The following RABGAP1L variants were observed in gnomAD, a reference collection of about 807,000 sequenced individuals.
RABGAP1L encodes the protein rab GTPase-activating protein 1-like.
RABGAP1L carries 63 observed loss-of-function variants against 137.7 expected under a neutral mutation model. That is an observed-to-expected ratio of 0.46 (90% confidence interval 0.37 to 0.56). RABGAP1L has a LOEUF of 0.56. RABGAP1L is among the 20% of genes least tolerant of loss of function. The pLI, the probability that RABGAP1L is intolerant of heterozygous loss-of-function variation, is 0.00. For missense variants in RABGAP1L, 1,095 were observed against 1,244.0 expected (o/e 0.88, Z 1.80); for synonymous variants, 431 against 433.7 (o/e 0.99, Z 0.08).
At chr1:174,349,999 C>T (rs1168709432) in intron 11 of RABGAP1L, among the ~76,000 whole-genome samples, 12 of 118,118 alleles carry the variant, frequency 1.0e-4, no homozygotes, top group East Asian at 6.4e-4. Context: ...GGTGGCTGGC[C>T]GGGCTGAGGG....
intron 13 of RABGAP1L, among the ~76,000 whole-genome samples, chr1:174,597,552 T>C (rs913317402): frequency 6.6e-6 from 1 of 152,196 alleles, no homozygotes; most frequent in East Asian, 1.9e-4. Context: ...TGGAATCAGT[T>C]GTAATTTTTT....
At chr1:174,429,213 T>C (rs984750469) in intron 13 of RABGAP1L, among the ~76,000 whole-genome samples, 3 of 152,222 alleles carry the variant, frequency 2.0e-5, no homozygotes, top group African/African-American at 7.2e-5. Flanking sequence ...TATATTAGGC[T>C]AGCTTTAAAA....
intron 3 of RABGAP1L, among the ~76,000 whole-genome samples, chr1:174,228,971 C>T (rs1205631229): frequency 6.6e-6 from 1 of 151,686 alleles, no homozygotes; most frequent in Non-Finnish European, 1.5e-5. Context: ...TGCTCTCTAA[C>T]CACAATTGGA....
At chr1:174,502,625 C>CATATATGTGT (rs1558288809) in intron 13 of RABGAP1L, among the ~76,000 whole-genome samples, 2 of 117,176 alleles carry the variant, frequency 1.7e-5, no homozygotes, top group Non-Finnish European at 3.5e-5. Context: ...TATATATGTA[C>CATATATGTGT]ATATATATGT....
Position 174,915,492 on chromosome 1 carries a change from C to G in RABGAP1L, c.2341-41965C>G, listed in dbSNP as rs189241109. Among the ~76,000 whole-genome samples, 6 of 152,256 alleles carry G rather than the reference C, an allele frequency of 3.9e-5. No individual in the cohort carries two copies. The East Asian group carries it at 1.2e-3, about 29-fold the overall frequency. On this transcript the variant is annotated intron_variant, in intron 19 of 25. Coordinates refer to ENST00000681986, the MANE Select transcript of RABGAP1L (RefSeq NM_001366446.1). The stretch of plus-strand genomic sequence containing the variant: ...CTTTTGTTTTTTAGACAGTCTTGCT[C>G]TGTCACCAGGCTGGAATGCAGTGGC...
At chr1:174,755,439 G>A (rs1002154264) in intron 18 of RABGAP1L, among the ~76,000 whole-genome samples, 1 of 152,146 alleles carries the variant, frequency 6.6e-6, no homozygotes, top group Non-Finnish European at 1.5e-5. Flanking sequence ...CTTCATGTTG[G>A]GCACAGAAAT....
At chr1:174,786,217 A>G (rs1489143930) in intron 18 of RABGAP1L, among the ~76,000 whole-genome samples, 1 of 152,224 alleles carries the variant, frequency 6.6e-6, no homozygotes. Context: ...TTGAGCAAAT[A>G]AACTTGTCAA....
chr1:174,716,992 T>A (rs1169496478), intron 17 of RABGAP1L, among the ~76,000 whole-genome samples: 1 of 152,320 alleles, frequency 6.6e-6, no homozygotes, highest in Non-Finnish European at 1.5e-5. Context: ...TTATGCTCAT[T>A]GGCAGGCAAG....
intron 19 of RABGAP1L, chr1:174,938,391 C>G (rs1297687338): frequency 6.6e-6 from 1 of 152,170 alleles, no homozygotes; most frequent in Non-Finnish European, 1.5e-5. Context: ...CCTCTCTTTC[C>G]CTTTCTCCAT....
chr1:174,370,857 A>G (rs1685060294), intron 11 of RABGAP1L, 122 bp from the exon 12 acceptor site: 3 of 427,854 alleles, frequency 7.0e-6, no homozygotes, highest in Non-Finnish European at 1.2e-5. Flanking sequence ...TTTGCAATGC[A>G]TGTAATAATA....
chr1:174,447,368 T>A (rs1186567099), intron 13 of RABGAP1L, among the ~76,000 whole-genome samples: 1 of 152,198 alleles, frequency 6.6e-6, no homozygotes, highest in African/African-American at 2.4e-5. Context: ...TTGTTACCTC[T>A]ATTCTGCCCA....
Position 174,992,701 on chromosome 1 carries a change from AAT to A in RABGAP1L, c.*2703_*2704del, listed in dbSNP as rs1399057048. 6.6e-6 allele frequency: 1 copy of A among 152,182 alleles called. No homozygotes were observed. Among genetic ancestry groups the A allele is most frequent in the African/African-American group, 2.4e-5 (1 of 41,436 alleles). The allele number at this position is 152,182 out of a possible 1,614,324, so 9.4% of individuals were successfully genotyped here. A position where few individuals can be genotyped will look rare whatever the true frequency, so the allele number is the denominator to read the frequency against. On this transcript the variant is annotated 3_prime_UTR_variant, in exon 26 of 26. Transcript: ENST00000681986. ...TGGTATGTGATATGATTGTTCATAC[AAT>A]ATGTTATAATAGCAATATTCCAAAC...
intron 13 of RABGAP1L, among the ~76,000 whole-genome samples, chr1:174,447,025 CTG>C (rs1227049734): frequency 1.3e-5 from 2 of 152,078 alleles, no homozygotes; most frequent in East Asian, 1.9e-4. Flanking sequence ...TGAGAAATAA[CTG>C]TGAGCTACAT....
chr1:174,664,730 C>CTTTTTTTTTTTTTTTTTTTTTTT lies in RABGAP1L; in HGVS notation c.1825-18789_1825-18788insTTTTTTTTTTTTTTTTTTTTTTT, dbSNP rs747671420. On this transcript the variant is annotated intron_variant, in intron 14 of 25. Coordinates refer to ENST00000681986, the MANE Select transcript of RABGAP1L (RefSeq NM_001366446.1). Reference sequence around the variant, plus strand: ...CTCTCTCTTTCTTTCTTTCTTTCTGCTTTCTTTTTTTTTTTTTTTTTTTTT... The same window carrying CTTTTTTTTTTTTTTTTTTTTTTT: ...CTCTCTCTTTCTTTCTTTCTTTCTGCTTTTTTTTTTTTTTTTTTTTTTTTTTCTTTTTTTTTTTTTTTTTTTTT... Among the ~76,000 whole-genome samples the CTTTTTTTTTTTTTTTTTTTTTTT allele has an allele frequency of 2.8e-4, 28 of 98,898 alleles. 4 individuals are homozygous for CTTTTTTTTTTTTTTTTTTTTTTT. The highest frequency in any genetic ancestry group is 1.3e-3 in the African/African-American group (20 of 15,668). The allele number at this position is 98,898 out of a possible 152,430, so 64.9% of individuals were successfully genotyped here.
chr1:174,453,626 A>G (rs974142060), intron 13 of RABGAP1L, among the ~76,000 whole-genome samples: 2 of 152,182 alleles, frequency 1.3e-5, no homozygotes, highest in Admixed American at 1.3e-4. Context: ...AGGTTCCAAA[A>G]GATGCTCTTT....
At chr1:174,967,330 A>ATTTTT (rs35787924) in intron 20 of RABGAP1L, among the ~76,000 whole-genome samples, 1 of 115,880 alleles carries the variant, frequency 8.6e-6, no homozygotes, top group Non-Finnish European at 1.7e-5. Flanking sequence ...CACCCAGCTA[A>ATTTTT]TTTTTTTTTT....
chr1:174,540,404 C>T lies in RABGAP1L; in HGVS notation c.1711-96971C>T, dbSNP rs558841744. 6.2e-4 allele frequency among the ~76,000 whole-genome samples: 95 copies of T among 152,068 alleles called. 1 individual carries two copies. In the East Asian group the frequency reaches 8.3e-3, roughly 13 times the overall value. On this transcript the variant is annotated intron_variant, in intron 13 of 25. Coordinates refer to ENST00000681986, the MANE Select transcript of RABGAP1L (RefSeq NM_001366446.1). ...CCTAAATGGTATTGCTTAGGTTTTCCCCTAGGGTTTTTATGGTTTTAGGTC... is the reference window on the plus strand; with the variant it reads ...CCTAAATGGTATTGCTTAGGTTTTCTCCTAGGGTTTTTATGGTTTTAGGTC...
intron 11 of RABGAP1L, among the ~76,000 whole-genome samples, chr1:174,359,826 TA>T (rs1683977322): frequency 6.6e-6 from 1 of 152,258 alleles, no homozygotes; most frequent in Non-Finnish European, 1.5e-5. Flanking sequence ...TAATAGTGAC[TA>T]CCTCATTAGG....
chr1:174,356,113 A>C (rs1439573211), intron 11 of RABGAP1L, among the ~76,000 whole-genome samples: 2 of 152,176 alleles, frequency 1.3e-5, no homozygotes, highest in Non-Finnish European at 2.9e-5. Flanking sequence ...GGAGGTAATG[A>C]AAATAGATCA....
Sources: gnomAD v4.1 joint callset for allele counts (sites outside exome capture counted in the v4.1 genomes callset) on GRCh38, gnomAD v4.1.1 for gene constraint, MANE v1.5 for transcripts, NCBI Gene and HGNC (gene_info 2026-07-23, HGNC 2026-07-21) for gene names.